Variants in DHODH observed in about 807,000 individuals in gnomAD.
DHODH encodes dihydroorotate dehydrogenase (quinone), mitochondrial.
In DHODH, 30 loss-of-function variants were observed where a neutral mutation model predicts 39.7. The ratio of observed to expected loss-of-function variants is 0.76; its 90% CI spans 0.57 to 1.02. The LOEUF (loss-of-function observed/expected upper bound fraction) is 1.02. Ranked by LOEUF, DHODH falls within the 50% of genes least tolerant of loss-of-function variation. The pLI is 0.00. For missense variants in DHODH, 531 were observed against 520.8 expected, an observed-to-expected ratio of 1.02 and a Z score of -0.19; for synonymous variants, 222 against 213.8, an observed-to-expected ratio of 1.04 and a Z score of -0.34.
intron 3 of DHODH, chr16:72,016,817 G>A: frequency 1.8e-6 from 1 of 557,698 alleles, no homozygotes. Context: ...GTGCTAGCTG[G>A]CTGAGCATTT....
Position 72,023,174 on chromosome 16 carries a change from G to T in DHODH, c.829G>T (p.Asp277Tyr), listed in dbSNP as rs200677583. 6.2e-7 allele frequency: 1 copy of T among 1,614,154 alleles called. No individual in the cohort carries two copies. Among genetic ancestry groups the T allele is most frequent in the Admixed American group, 1.7e-5 (1 of 60,020 alleles). Residue 277 changes from aspartate to tyrosine, a missense_variant, in exon 7 of 9, where the codon GAT (aspartate) becomes TAT (tyrosine). By Grantham distance (160) the Asp-to-Tyr change is radical (BLOSUM62 -3). Transcript: ENST00000219240. Reference protein sequence around the residue: ...IASVVKELGIDGLIVTNTTVS... With the variant: ...IASVVKELGIYGLIVTNTTVS... ...CTATCTCGCACTGCAGTTGGGCATCGATGGGCTGATTGTTACGAACACCAC... is the reference window on the plus strand; with the variant it reads ...CTATCTCGCACTGCAGTTGGGCATCTATGGGCTGATTGTTACGAACACCAC...
intron 1 of DHODH, among the ~76,000 whole-genome samples, chr16:72,010,761 ACT>A (rs1257940628): frequency 6.6e-6 from 1 of 152,004 alleles, no homozygotes; most frequent in Non-Finnish European, 1.5e-5. Flanking sequence ...AGAGAGTCTG[ACT>A]CTGTCGCCCA....
chr16:72,022,624 C>A (rs1279025608), intron 6 of DHODH, 149 bp downstream of exon 6: 3 of 717,696 alleles, frequency 4.2e-6, no homozygotes, highest in African/African-American at 3.5e-5. Flanking sequence ...GTAACTCACC[C>A]TGTGGTCAAA....
intron 3 of DHODH, 48 bp downstream of exon 3, chr16:72,014,720 G>A: frequency 1.9e-6 from 3 of 1,578,736 alleles, no homozygotes; most frequent in Non-Finnish European, 1.7e-6. Flanking sequence ...TTTCCAGCTG[G>A]GGGCGTTCAG....
rs1277978960 is a variant in DHODH at position 72,014,731 on chromosome 16, A to C, written c.434+59A>C. ...CCTCTTTCCAGCTGGGGGCGTTCAG[A>C]GATATAAGATCTGCCTCTGTTTTTT... On this transcript the variant is annotated intron_variant, in intron 3 of 8. Transcript: ENST00000219240. 7.1e-6 allele frequency: 11 copies of C among 1,538,608 alleles called. No individual in the cohort carries two copies. In the Admixed American group the frequency reaches 1.9e-4, roughly 26 times the overall value.
Position 72,009,806 on chromosome 16 carries a change from C to T in DHODH, c.21+1021C>T, listed in dbSNP as rs377331552. ...ATTTTGGTATTTTTAGTAGAGACTG[C>T]AGTTTCACCATGTTGGTCAGGCTGG... On this transcript the variant is annotated intron_variant, in intron 1 of 8. Transcript: ENST00000219240. Among the ~76,000 whole-genome samples the T allele has an allele frequency of 5.9e-5, 9 of 152,202 alleles. No homozygotes were observed. The South Asian group carries it at 1.9e-3, about 32-fold the overall frequency.
Position 72,024,302 on chromosome 16 carries a change from C to A in DHODH, c.*103C>A. ...GAGGGACTCCATCTTGAGCCATGTC[C>A]CCCAGCCATGGCATGGCTGCACTGT... is the stretch of plus-strand genomic sequence containing the variant. On this transcript the variant is annotated 3_prime_UTR_variant, in exon 9 of 9. Transcript: ENST00000219240. 7.7e-7 allele frequency: 1 copy of A among 1,305,466 alleles called. No individual in the cohort carries two copies. Among genetic ancestry groups the A allele is most frequent in the Non-Finnish European group, 1.1e-6 (1 of 907,934 alleles). 80.9% of individuals were successfully genotyped at this position (1,305,466 alleles called of 1,614,324 possible).
At chr16:72,022,933 C>T (rs989659442) in intron 6 of DHODH, among the ~76,000 whole-genome samples, 7 of 152,198 alleles carry the variant, frequency 4.6e-5, no homozygotes, top group Non-Finnish European at 7.3e-5. Context: ...GGACTGGACC[C>T]TGTCCTAGGG....
intron 1 of DHODH, among the ~76,000 whole-genome samples, chr16:72,011,090 AAGT>A (rs1293441837): frequency 1.3e-5 from 2 of 152,148 alleles, no homozygotes; most frequent in African/African-American, 4.8e-5. Context: ...GAAAATGTAA[AAGT>A]AGTTTATATT....
At position 72,008,797 on chromosome 16, in the gene DHODH, G is replaced by C. The variant is rs757094207; in HGVS notation, c.21+12G>C. The C allele has an allele frequency of 2.5e-5, 39 of 1,552,176 alleles. No homozygotes were observed. Among genetic ancestry groups the C allele is most frequent in the Non-Finnish European group, 3.2e-5 (37 of 1,147,266 alleles). ...GGAGACACCTGAAAGTGAGTCCCGCGAGTGAGCAGTGTGGATGGGGGACCA... is the reference window on the plus strand; with the variant it reads ...GGAGACACCTGAAAGTGAGTCCCGCCAGTGAGCAGTGTGGATGGGGGACCA... On this transcript the variant is annotated intron_variant, in intron 1 of 8. Transcript: ENST00000219240.
In DHODH at chr16:72,022,420, T is replaced by C; in HGVS notation, c.764T>C (p.Ile255Thr). The C allele has an allele frequency of 6.4e-7, 1 of 1,558,224 alleles. No homozygotes were observed. Among genetic ancestry groups the C allele is most frequent in the Non-Finnish European group, 8.7e-7 (1 of 1,150,724 alleles). The change falls in exon 6 of 9, where the codon ATC becomes ACC. Residue 255 changes from isoleucine to threonine, a missense_variant. Transcript: ENST00000219240. ...RVHRPAVLVK[I>T]APDLTSQDKE... ...CACAGGCCGGCAGTCCTGGTGAAGA[T>C]CGCTCCTGACCTCACCAGCCAGGAT...
chr16:72,015,690 A>G, intron 3 of DHODH: 1 of 985,332 alleles, frequency 1.0e-6, no homozygotes, highest in South Asian at 4.7e-5. Context: ...GCAGGTGGGG[A>G]TCAATATCTT....
At chr16:72,015,917 T>C in intron 3 of DHODH, 1 of 973,690 alleles carries the variant, frequency 1.0e-6, no homozygotes, top group South Asian at 4.8e-5. Flanking sequence ...CAGATATGTG[T>C]GCCAGTGTGT....
At chr16:72,014,094 C>T (rs2143975218) in intron 2 of DHODH, among the ~76,000 whole-genome samples, 1 of 152,250 alleles carries the variant, frequency 6.6e-6, no homozygotes, top group South Asian at 2.1e-4. Flanking sequence ...TAGGGCCTGA[C>T]ACCAGCGAGC....
rs1186242331 is a variant in DHODH at position 72,026,951 on chromosome 16, C to A, written c.*2752C>A. ...GATTACAGGTGCCCACTACCACACC[C>A]AGCTAATTTGTGTGTGTGTGTGTGT... On this transcript the variant is annotated 3_prime_UTR_variant, in exon 9 of 9. Coordinates refer to ENST00000219240, the MANE Select transcript of DHODH (RefSeq NM_001361.5). 1 of 148,858 alleles carries A rather than the reference C, an allele frequency of 6.7e-6. No homozygotes were observed. The highest frequency in any genetic ancestry group is 1.5e-5 in the Non-Finnish European group (1 of 68,462). The allele number at this position is 148,858 out of a possible 1,614,324, so 9.2% of individuals were successfully genotyped here. A position where few individuals can be genotyped will look rare whatever the true frequency, so the allele number is the denominator to read the frequency against.
chr16:72,018,272 A>T (rs1286991337), intron 4 of DHODH, among the ~76,000 whole-genome samples: 1 of 152,158 alleles, frequency 6.6e-6, no homozygotes, highest in African/African-American at 2.4e-5. Context: ...AACTCCTTCC[A>T]GGATGTCTTA....
At chr16:72,019,342 T>C (rs569786898) in intron 4 of DHODH, among the ~76,000 whole-genome samples, 28 of 152,264 alleles carry the variant, frequency 1.8e-4, no homozygotes, top group Non-Finnish European at 3.7e-4. Flanking sequence ...GAGAGTGTGA[T>C]TGGGGTTGGG....
Position 72,008,857 on chromosome 16 carries a change from G to T in DHODH, c.21+72G>T, listed in dbSNP as rs371063686. 98 of 1,551,360 alleles carry T rather than the reference G, an allele frequency of 6.3e-5. No individual in the cohort carries two copies. The African/African-American group carries it at 1.1e-3, about 18-fold the overall frequency. Reference sequence around the variant, plus strand: ...GAGGGCGAGAACGGAGAGTCAGGCCGGGCGAGGCATGGACCGAAGGCGGCT... The same window carrying T: ...GAGGGCGAGAACGGAGAGTCAGGCCTGGCGAGGCATGGACCGAAGGCGGCT... On this transcript the variant is annotated intron_variant, in intron 1 of 8. Coordinates refer to ENST00000219240, the MANE Select transcript of DHODH (RefSeq NM_001361.5).
chr16:72,009,790 T>A (rs936005935), intron 1 of DHODH, among the ~76,000 whole-genome samples: 6 of 152,108 alleles, frequency 3.9e-5, no homozygotes, highest in African/African-American at 1.4e-4. Flanking sequence ...AATTTTGGTA[T>A]TTTTAGTAGA....
Sources: allele counts gnomAD v4.1 joint callset (sites outside exome capture counted in the v4.1 genomes callset), GRCh38; gene constraint gnomAD v4.1.1; transcripts MANE v1.5; gene names NCBI Gene and HGNC (gene_info 2026-07-23, HGNC 2026-07-21).